The following AGBL4 variants were observed in gnomAD, a reference collection of about 807,000 sequenced individuals.
AGBL4 encodes the protein AGBL carboxypeptidase 4.
AGBL4 carries 58 observed loss-of-function variants against 66.4 expected under a neutral mutation model. The ratio of observed to expected loss-of-function variants is 0.87; its 90% confidence interval spans 0.71 to 1.09. The LOEUF (loss-of-function observed/expected upper bound fraction) is 1.09, where lower values mean the gene tolerates loss of function less well. AGBL4 is among the 50% of genes least tolerant of loss of function. AGBL4 has a pLI of 0.00. For missense variants in AGBL4, 579 were observed against 631.0 expected (o/e 0.92, Z 0.88); for synonymous variants, 234 against 222.9 (o/e 1.05, Z -0.44).
chr1:49,230,139 TG>T (rs1362115142), intron 4 of AGBL4, among the ~76,000 whole-genome samples: 3 of 152,184 alleles, frequency 2.0e-5, no homozygotes, highest in Non-Finnish European at 4.4e-5. Flanking sequence ...AGTACGGCTT[TG>T]GCCTGAGAGG....
intron 2 of AGBL4, among the ~76,000 whole-genome samples, chr1:49,758,676 A>G (rs769130610): frequency 6.6e-6 from 1 of 150,646 alleles, no homozygotes; most frequent in Non-Finnish European, 1.5e-5. Flanking sequence ...CATTTACCCA[A>G]TGCCCATAAC....
chr1:48,741,865 C>A (rs1649968892), intron 6 of AGBL4, among the ~76,000 whole-genome samples: 3 of 152,182 alleles, frequency 2.0e-5, no homozygotes, highest in Admixed American at 2.0e-4. Flanking sequence ...AGTGCCAACA[C>A]AAAGGGCTCT....
chr1:49,121,719 G>T (rs1393049986), intron 4 of AGBL4, among the ~76,000 whole-genome samples: 1 of 152,192 alleles, frequency 6.6e-6, no homozygotes, highest in East Asian at 1.9e-4. Context: ...CGCCATGCTG[G>T]GAGAACCACT....
chr1:48,577,640 A>G (rs1644674775), intron 11 of AGBL4, among the ~76,000 whole-genome samples: 1 of 152,138 alleles, frequency 6.6e-6, no homozygotes, highest in African/African-American at 2.4e-5. Context: ...TCTGGAGGTG[A>G]GAGGCAGTCA....
intron 9 of AGBL4, among the ~76,000 whole-genome samples, chr1:48,622,310 C>T (rs944183733): frequency 2.4e-4 from 37 of 152,214 alleles, no homozygotes; most frequent in Non-Finnish European, 1.3e-4. Flanking sequence ...TGCTTGACCC[C>T]TAAGTCCAGT....
chr1:48,661,402 G>C (rs114620141), intron 7 of AGBL4, among the ~76,000 whole-genome samples: 1 of 152,374 alleles, frequency 6.6e-6, no homozygotes, highest in South Asian at 2.1e-4. Context: ...CAAGGTTTCA[G>C]CTGTGTGGGG....
rs146414931 is a variant in AGBL4, at chr1:49,648,912, G to C, written c.282+48401C>G. Among the ~76,000 whole-genome samples, 18 of 152,144 alleles carry C rather than the reference G, an allele frequency of 1.2e-4. No homozygotes were observed. The East Asian group carries it at 3.5e-3, about 29-fold the overall frequency. ...GAAATTCAGAACATAAAGAGCATCA[G>C]AGAATAAATAAGTGAAGGTAAAATG... On this transcript the variant is annotated intron_variant, in intron 3 of 13. Coordinates refer to ENST00000371839, the MANE Select transcript of AGBL4 (RefSeq NM_032785.4).
rs186751355 is a variant in AGBL4 at position 49,658,937 on chromosome 1, A to T, written c.282+38376T>A. 3.4e-3 allele frequency among the ~76,000 whole-genome samples: 514 copies of T among 152,254 alleles called. 1 individual carries two copies. The highest frequency in any genetic ancestry group is 0.012 in the African/African-American group (484 of 41,540). ...GACGAGTTAATGGGTTCAGCACACCAACATGGCACATGTATACATATGTAA... is the reference window on the plus strand; with the variant it reads ...GACGAGTTAATGGGTTCAGCACACCTACATGGCACATGTATACATATGTAA... On this transcript the variant is annotated intron_variant, in intron 3 of 13. Coordinates refer to ENST00000371839, the MANE Select transcript of AGBL4 (RefSeq NM_032785.4).
chr1:49,585,353 G>A (rs1644627673), intron 3 of AGBL4, among the ~76,000 whole-genome samples: 1 of 152,082 alleles, frequency 6.6e-6, no homozygotes, highest in South Asian at 2.1e-4. Context: ...TAGAGAGCTG[G>A]TTTGATGAAA....
intron 3 of AGBL4, among the ~76,000 whole-genome samples, chr1:49,533,280 C>T (rs1448354801): frequency 1.3e-5 from 2 of 152,130 alleles, no homozygotes; most frequent in Admixed American, 6.6e-5. Flanking sequence ...TCTGACTCTG[C>T]GCTTCTAAAC....
At chr1:48,665,847 T>C (rs912654567) in intron 6 of AGBL4, among the ~76,000 whole-genome samples, 1 of 152,222 alleles carries the variant, frequency 6.6e-6, no homozygotes, top group Non-Finnish European at 1.5e-5. Flanking sequence ...CCAGAAATGA[T>C]AAATGGCACT....
At chr1:49,082,311 C>G (rs1363065153) in intron 4 of AGBL4, among the ~76,000 whole-genome samples, 3 of 152,084 alleles carry the variant, frequency 2.0e-5, no homozygotes, top group African/African-American at 7.2e-5. Flanking sequence ...AAATTTGGGG[C>G]CAATGCTGAG....
At chr1:49,659,508 G>A (rs1389401917) in intron 3 of AGBL4, among the ~76,000 whole-genome samples, 3 of 152,188 alleles carry the variant, frequency 2.0e-5, no homozygotes, top group Non-Finnish European at 4.4e-5. Flanking sequence ...TCCACTTTCA[G>A]ACAAAACAGA....
At chr1:48,786,883 G>C (rs1243175034) in intron 6 of AGBL4, among the ~76,000 whole-genome samples, 1 of 151,970 alleles carries the variant, frequency 6.6e-6, no homozygotes, top group Non-Finnish European at 1.5e-5. Flanking sequence ...CCAATACCCC[G>C]CAAAAGTGTT....
intron 3 of AGBL4, among the ~76,000 whole-genome samples, chr1:49,503,273 G>C (rs1648352762): frequency 6.6e-6 from 1 of 152,162 alleles, no homozygotes; most frequent in Non-Finnish European, 1.5e-5. Context: ...ACTGAGGTTT[G>C]GGAACCTTCA....
chr1:48,888,801 T>C (rs1650627652), intron 5 of AGBL4, among the ~76,000 whole-genome samples: 2 of 152,238 alleles, frequency 1.3e-5, no homozygotes, highest in African/African-American at 4.8e-5. Flanking sequence ...GCTTTGTTCC[T>C]TAGTCTATCC....
chr1:48,572,167 T>G (rs2247881), intron 11 of AGBL4, among the ~76,000 whole-genome samples: 84,367 of 151,848 alleles, frequency 0.56, 23,779 homozygotes, highest in Non-Finnish European at 0.61. Context: ...GGACAGGGAC[T>G]ACCGAGCCCC....
intron 5 of AGBL4, among the ~76,000 whole-genome samples, chr1:49,006,112 T>G (rs1209331912): frequency 6.6e-6 from 1 of 151,706 alleles, no homozygotes; most frequent in African/African-American, 2.4e-5. Flanking sequence ...CCATCTGAGG[T>G]ACCGGGTTCA....
intron 5 of AGBL4, among the ~76,000 whole-genome samples, chr1:48,985,847 A>G (rs1168325264): frequency 6.6e-6 from 1 of 152,146 alleles, no homozygotes; most frequent in East Asian, 1.9e-4. Context: ...ATAATGAGGA[A>G]AATAGTCATA....
Sources: allele counts gnomAD v4.1 joint callset (sites outside exome capture counted in the v4.1 genomes callset), GRCh38; gene constraint gnomAD v4.1.1; transcripts MANE v1.5; gene names NCBI Gene and HGNC (gene_info 2026-07-23, HGNC 2026-07-21).